Variants in KHDRBS3 observed in about 807,000 individuals in gnomAD.
The protein encoded by KHDRBS3 is KH RNA binding domain containing, signal transduction associated 3.
Under a neutral mutation model 45.6 loss-of-function variants are expected in KHDRBS3, and 23 were observed. That is an observed-to-expected ratio of 0.50 (90% confidence interval 0.36 to 0.72). The LOEUF (loss-of-function observed/expected upper bound fraction) is 0.72, where lower values mean the gene tolerates loss of function less well. Among genes scored for constraint, KHDRBS3 ranks in the 30% least tolerant of loss-of-function variants. KHDRBS3 has a pLI of 0.00. For missense variants in KHDRBS3, 352 were observed against 424.8 expected, an observed-to-expected ratio of 0.83 and a Z score of 1.51; for synonymous variants, 162 against 156.5, an observed-to-expected ratio of 1.04 and a Z score of -0.26.
intron 1 of KHDRBS3, among the ~76,000 whole-genome samples, chr8:135,460,761 T>C (rs1821387724): frequency 6.6e-6 from 1 of 152,242 alleles, no homozygotes; most frequent in Admixed American, 6.5e-5. Context: ...ATTTTGATGC[T>C]GAGGCCAAGA....
chr8:135,487,254 A>G (rs1236072324), intron 1 of KHDRBS3, among the ~76,000 whole-genome samples: 5 of 152,206 alleles, frequency 3.3e-5, no homozygotes, highest in Non-Finnish European at 5.9e-5. Flanking sequence ...CCTGCAACCT[A>G]TCATGTATAC....
intron 1 of KHDRBS3, among the ~76,000 whole-genome samples, chr8:135,462,980 G>T (rs539147884): frequency 9.2e-5 from 14 of 152,242 alleles, no homozygotes; most frequent in African/African-American, 3.1e-4. Context: ...AAATTATATA[G>T]CATCCATTTT....
chr8:135,638,093 T>C (rs1253279929), intron 7 of KHDRBS3, among the ~76,000 whole-genome samples: 1 of 152,100 alleles, frequency 6.6e-6, no homozygotes, highest in African/African-American at 2.4e-5. Context: ...GCTACAATGG[T>C]AGAGTGGCTT....
chr8:135,546,547 A>G (rs1316581794), intron 3 of KHDRBS3, among the ~76,000 whole-genome samples: 1 of 152,176 alleles, frequency 6.6e-6, no homozygotes, highest in African/African-American at 2.4e-5. Flanking sequence ...TATACTATAC[A>G]ATAATAGAAT....
chr8:135,549,785 T>C (rs1563761298), intron 4 of KHDRBS3: 1 of 152,214 alleles, frequency 6.6e-6, no homozygotes, highest in Non-Finnish European at 1.5e-5. Context: ...GCACATGTAC[T>C]GTGATTATAT....
chr8:135,602,278 A>G (rs1310792545), intron 6 of KHDRBS3, among the ~76,000 whole-genome samples: 2 of 152,162 alleles, frequency 1.3e-5, no homozygotes, highest in South Asian at 4.1e-4. Context: ...GCTTCCCTAT[A>G]TGTTTCAAGC....
At chr8:135,625,525 G>T in intron 7 of KHDRBS3, 1 of 839,508 alleles carries the variant, frequency 1.2e-6, no homozygotes, top group Non-Finnish European at 2.1e-6. Context: ...TGCTAGAACT[G>T]AGAGGTTTCT....
At chr8:135,572,053 T>G (rs1827727514) in intron 5 of KHDRBS3, among the ~76,000 whole-genome samples, 1 of 152,220 alleles carries the variant, frequency 6.6e-6, no homozygotes, top group African/African-American at 2.4e-5. Flanking sequence ...AAATTACTTC[T>G]CTGTCTTAAA....
chr8:135,621,525 G>C (rs192063702), intron 7 of KHDRBS3, among the ~76,000 whole-genome samples: 1 of 152,254 alleles, frequency 6.6e-6, no homozygotes, highest in Non-Finnish European at 1.5e-5. Flanking sequence ...ACTTAAAACT[G>C]TCACTATTCG....
intron 1 of KHDRBS3, among the ~76,000 whole-genome samples, chr8:135,518,523 A>G (rs1285237865): frequency 6.6e-6 from 1 of 152,200 alleles, no homozygotes; most frequent in Non-Finnish European, 1.5e-5. Flanking sequence ...ATTTTGACAC[A>G]CATACACATA....
At chr8:135,544,898 A>G (rs375264112) in intron 3 of KHDRBS3, among the ~76,000 whole-genome samples, 16 of 152,090 alleles carry the variant, frequency 1.1e-4, no homozygotes, top group African/African-American at 3.6e-4. Flanking sequence ...CTGTCAGTGG[A>G]CTGAGACCAG....
At chr8:135,475,125 G>A (rs934628215) in intron 1 of KHDRBS3, among the ~76,000 whole-genome samples, 1 of 152,180 alleles carries the variant, frequency 6.6e-6, no homozygotes. Flanking sequence ...CCTATCTTAA[G>A]GCTAGGTGGT....
intron 1 of KHDRBS3, among the ~76,000 whole-genome samples, chr8:135,505,550 G>A (rs548810252): frequency 6.6e-6 from 1 of 152,328 alleles, no homozygotes; most frequent in Admixed American, 6.5e-5. Flanking sequence ...TTTTAGCAGA[G>A]AGGATTGAAT....
downstream of KHDRBS3, among the ~76,000 whole-genome samples, chr8:135,650,440 C>T (rs2131217902): frequency 6.6e-6 from 1 of 152,256 alleles, no homozygotes; most frequent in Non-Finnish European, 1.5e-5. Context: ...TGTAAGTTGC[C>T]ATAAAAGCCA....
chr8:135,569,270 G>T (rs1240363572), intron 5 of KHDRBS3, among the ~76,000 whole-genome samples: 1 of 152,176 alleles, frequency 6.6e-6, no homozygotes, highest in African/African-American at 2.4e-5. Flanking sequence ...ATTCTGACGT[G>T]CACTGAAATG....
intron 1 of KHDRBS3, among the ~76,000 whole-genome samples, chr8:135,503,161 ATAG>A (rs1823817660): frequency 6.6e-6 from 1 of 152,256 alleles, no homozygotes; most frequent in Non-Finnish European, 1.5e-5. Flanking sequence ...CAGGAATAAC[ATAG>A]TAGACAAAAG....
At chr8:135,622,514 CA>C (rs1316329827) in intron 7 of KHDRBS3, among the ~76,000 whole-genome samples, 1 of 152,118 alleles carries the variant, frequency 6.6e-6, no homozygotes, top group East Asian at 1.9e-4. Flanking sequence ...CATAAAAAAT[CA>C]AAAGGTATAA....
intron 6 of KHDRBS3, among the ~76,000 whole-genome samples, chr8:135,594,776 A>T (rs1190041938): frequency 6.6e-6 from 1 of 152,196 alleles, no homozygotes; most frequent in Non-Finnish European, 1.5e-5. Flanking sequence ...AGGAACTCTG[A>T]TGCACTGCTG....
intron 4 of KHDRBS3, among the ~76,000 whole-genome samples, chr8:135,553,140 C>T (rs1021341682): frequency 2.0e-5 from 3 of 152,160 alleles, no homozygotes; most frequent in African/African-American, 7.2e-5. Flanking sequence ...TTCTGGCTAG[C>T]CTGGTGGTCA....
Sources: allele counts gnomAD v4.1 joint callset (sites outside exome capture counted in the v4.1 genomes callset), GRCh38; gene constraint gnomAD v4.1.1; transcripts MANE v1.5; gene names NCBI Gene and HGNC (gene_info 2026-07-23, HGNC 2026-07-21).